CNTNAP2: variants seen among roughly 807,000 people sequenced by gnomAD.
The protein encoded by CNTNAP2 is contactin-associated protein-like 2.
A neutral mutation model predicts 155.2 loss-of-function variants in CNTNAP2; 98 were observed. The observed-to-expected ratio is 0.63, with a 90% confidence interval of 0.54 to 0.75. The LOEUF (loss-of-function observed/expected upper bound fraction) is 0.75. Ranked by LOEUF, CNTNAP2 falls within the 30% of genes least tolerant of loss-of-function variation. CNTNAP2 has a pLI of 0.00. For missense variants in CNTNAP2, 1,727 were observed against 1,688.1 expected, an observed-to-expected ratio of 1.02 and a Z score of -0.40; for synonymous variants, 651 against 631.2, an observed-to-expected ratio of 1.03 and a Z score of -0.47.
At chr7:148,283,255 A>AAAAAGAAAGAAAG (rs1797008189) in intron 21 of CNTNAP2, among the ~76,000 whole-genome samples, 1 of 63,626 alleles carries the variant, frequency 1.6e-5, no homozygotes, top group Non-Finnish European at 2.9e-5. Flanking sequence ...AAAAAAAAAA[A>AAAAAGAAAGAAAG]AAAGAAAGAA....
At chr7:147,542,127 C>T (rs372706795) in intron 11 of CNTNAP2, among the ~76,000 whole-genome samples, 6 of 151,980 alleles carry the variant, frequency 3.9e-5, no homozygotes, top group African/African-American at 7.3e-5. Context: ...TTAGAGTTGC[C>T]GGACACAGTG....
intron 21 of CNTNAP2, among the ~76,000 whole-genome samples, chr7:148,368,658 G>A (rs1427218285): frequency 1.3e-5 from 2 of 152,282 alleles, no homozygotes; most frequent in East Asian, 1.9e-4. Flanking sequence ...CGGGAGCATC[G>A]GCAAGACTCC....
intron 13 of CNTNAP2, among the ~76,000 whole-genome samples, chr7:147,652,795 T>A (rs554135991): frequency 4.6e-5 from 7 of 152,190 alleles, no homozygotes; most frequent in Non-Finnish European, 1.0e-4. Context: ...GGCAACCTAA[T>A]AAGTTAATCA....
At chr7:147,676,420 TATATA>T (rs550687106) in intron 13 of CNTNAP2, among the ~76,000 whole-genome samples, 80 of 152,114 alleles carry the variant, frequency 5.3e-4, no homozygotes, top group African/African-American at 1.9e-3. Flanking sequence ...TTGTTCACTA[TATATA>T]ATATATTGTT....
At chr7:148,233,589 G>A (rs1049340404) in intron 20 of CNTNAP2, among the ~76,000 whole-genome samples, 1 of 152,080 alleles carries the variant, frequency 6.6e-6, no homozygotes, top group African/African-American at 2.4e-5. Context: ...TACTGACATA[G>A]AAAATGCCCA....
At chr7:146,901,030 G>GTAATAA (rs66815254) in intron 3 of CNTNAP2, among the ~76,000 whole-genome samples, 1,774 of 149,608 alleles carry the variant, frequency 0.012, 19 homozygotes, top group Non-Finnish European at 0.015. Context: ...GATTAAAGTA[G>GTAATAA]TAATAATAAT....
intron 1 of CNTNAP2, among the ~76,000 whole-genome samples, chr7:146,452,475 C>T (rs10267655): frequency 0.32 from 47,905 of 151,952 alleles, 7,878 homozygotes; most frequent in Admixed American, 0.42. Context: ...CATTGAGGTA[C>T]GGTATAAATT....
At chr7:146,136,309 C>T (rs1797796918) in intron 1 of CNTNAP2, among the ~76,000 whole-genome samples, 1 of 152,132 alleles carries the variant, frequency 6.6e-6, no homozygotes, top group Admixed American at 6.6e-5. Context: ...AATTATGTGG[C>T]ATTTATGCCA....
intron 8 of CNTNAP2, among the ~76,000 whole-genome samples, chr7:147,248,583 C>T (rs781710618): frequency 2.0e-5 from 3 of 152,152 alleles, no homozygotes; most frequent in African/African-American, 7.2e-5. Flanking sequence ...CTTATGGGGC[C>T]GGTGGCTGTC....
chr7:146,914,621 C>A (rs1796357566), intron 3 of CNTNAP2, among the ~76,000 whole-genome samples: 1 of 152,054 alleles, frequency 6.6e-6, no homozygotes, highest in South Asian at 2.1e-4. Context: ...ATATTCATGT[C>A]CTTAGCTCAC....
chr7:148,214,246 C>A (rs1795599111), intron 18 of CNTNAP2, among the ~76,000 whole-genome samples: 1 of 152,226 alleles, frequency 6.6e-6, no homozygotes, highest in African/African-American at 2.4e-5. Context: ...CAGCACCCAG[C>A]ATCGTGCCCA....
At chr7:147,812,477 A>G (rs1798196401) in intron 13 of CNTNAP2, among the ~76,000 whole-genome samples, 1 of 144,238 alleles carries the variant, frequency 6.9e-6, no homozygotes, top group African/African-American at 2.8e-5. Flanking sequence ...TATAAGTAGG[A>G]AAAAAAAAAC....
intron 11 of CNTNAP2, among the ~76,000 whole-genome samples, chr7:147,507,808 C>G (rs770597425): frequency 2.6e-5 from 4 of 152,052 alleles, no homozygotes; most frequent in Non-Finnish European, 4.4e-5. Context: ...GCCTCGTCCT[C>G]CCAAAGTGCT....
At chr7:148,315,123 T>A (rs1388043818) in intron 21 of CNTNAP2, among the ~76,000 whole-genome samples, 2 of 152,150 alleles carry the variant, frequency 1.3e-5, no homozygotes, top group East Asian at 3.9e-4. Context: ...CGTAGGTGGA[T>A]CTTTCTCACA....
At chr7:146,474,904 C>A (rs918892886) in intron 1 of CNTNAP2, among the ~76,000 whole-genome samples, 1 of 152,088 alleles carries the variant, frequency 6.6e-6, no homozygotes, top group Admixed American at 6.5e-5. Context: ...TTAACTGCCA[C>A]CAGCTTAGGT....
intron 1 of CNTNAP2, among the ~76,000 whole-genome samples, chr7:146,588,798 T>G (rs1169709540): frequency 1.3e-5 from 2 of 152,178 alleles, no homozygotes; most frequent in African/African-American, 4.8e-5. Flanking sequence ...TGTGAGCCAC[T>G]GTGCCTGGCC....
rs981720745 is a variant in CNTNAP2, at chr7:147,008,230, C to T, written c.403-35677C>T. Reference sequence around the variant, plus strand: ...TCCTGGTTATAAGCGTATTGAATGACCTACTCAAGGAAGGAGGAGCAGAAA... The same window carrying T: ...TCCTGGTTATAAGCGTATTGAATGATCTACTCAAGGAAGGAGGAGCAGAAA... On this transcript the variant is annotated intron_variant, in intron 3 of 23. Coordinates refer to ENST00000361727, the MANE Select transcript of CNTNAP2 (RefSeq NM_014141.6). 3.3e-5 allele frequency among the ~76,000 whole-genome samples: 5 copies of T among 152,100 alleles called. No individual in the cohort carries two copies. In the East Asian group the frequency reaches 9.7e-4, roughly 29 times the overall value.
chr7:147,956,292 G>T, intron 14 of CNTNAP2, among the ~76,000 whole-genome samples: 1 of 65,682 alleles, frequency 1.5e-5, no homozygotes. Context: ...TATTTCTTTG[G>T]CAGGGGGCAA....
chr7:147,831,204 A>G (rs1184672640), intron 13 of CNTNAP2, among the ~76,000 whole-genome samples: 2 of 152,226 alleles, frequency 1.3e-5, no homozygotes, highest in Admixed American at 6.5e-5. Flanking sequence ...GATTAATTAC[A>G]TTAAAACAGT....
Sources: gnomAD v4.1 joint callset for allele counts (sites outside exome capture counted in the v4.1 genomes callset) on GRCh38, gnomAD v4.1.1 for gene constraint, MANE v1.5 for transcripts, NCBI Gene and HGNC (gene_info 2026-07-23, HGNC 2026-07-21) for gene names.